IPPK: variants seen among roughly 807,000 people sequenced by gnomAD.
IPPK encodes inositol-pentakisphosphate 2-kinase, also known as IPK1 homolog.
In IPPK, 22 loss-of-function variants were observed where a neutral mutation model predicts 64.6. The ratio of observed to expected loss-of-function variants is 0.34; its 90% CI spans 0.24 to 0.49. The LOEUF (loss-of-function observed/expected upper bound fraction) is 0.49. Among genes scored for constraint, IPPK ranks in the 20% least tolerant of loss-of-function variants. The pLI, the probability that IPPK is intolerant of heterozygous loss-of-function variation, is 0.99. For missense variants in IPPK, 532 were observed against 630.7 expected (o/e 0.84, Z 1.68); for synonymous variants, 262 against 247.2 (o/e 1.06, Z -0.56).
rs368772728 is a variant in IPPK, at chr9:92,656,357, G to C, written c.225+99C>G. 9 of 778,424 alleles carry C rather than the reference G, an allele frequency of 1.2e-5. No homozygotes were observed. The East Asian group carries it at 1.8e-4, about 15-fold the overall frequency. 48.2% of individuals were successfully genotyped at this position (778,424 alleles called of 1,614,324 possible). A position where few individuals can be genotyped will look rare whatever the true frequency, so the allele number is the denominator to read the frequency against. On this transcript the variant is annotated intron_variant, in intron 3 of 12. Coordinates refer to ENST00000287996, the MANE Select transcript of IPPK (RefSeq NM_022755.6). ...AAACACTTGGAGACTAGCTGGACGC[G>C]GGTTATCATTAAGCACAAAGTTCCA...
At chr9:92,666,217 G>C (rs1852592575) in intron 1 of IPPK, among the ~76,000 whole-genome samples, 1 of 152,084 alleles carries the variant, frequency 6.6e-6, no homozygotes, top group African/African-American at 2.4e-5. Flanking sequence ...CCAAGGCTGA[G>C]GTGGTCCGGA....
At chr9:92,627,592 G>A (rs1484623589) in intron 11 of IPPK, among the ~76,000 whole-genome samples, 4 of 151,952 alleles carry the variant, frequency 2.6e-5, no homozygotes, top group Admixed American at 2.0e-4. Flanking sequence ...ACAGAATAAA[G>A]GACAAAAACC....
chr9:92,639,292 A>C (rs1300167777), intron 8 of IPPK, among the ~76,000 whole-genome samples: 1 of 152,048 alleles, frequency 6.6e-6, no homozygotes, highest in African/African-American at 2.4e-5. Flanking sequence ...CAAGCAATCC[A>C]TCTACCTCAG....
chr9:92,664,941 G>A (rs1268360003), intron 1 of IPPK, among the ~76,000 whole-genome samples: 1 of 152,188 alleles, frequency 6.6e-6, no homozygotes, highest in African/African-American at 2.4e-5. Context: ...AAAAGTAGGA[G>A]GTGAGCCAAG....
intron 12 of IPPK, 76 bp downstream of exon 12, chr9:92,619,410 A>G: frequency 8.4e-7 from 1 of 1,194,476 alleles, no homozygotes; most frequent in Non-Finnish European, 1.2e-6. Flanking sequence ...GAAACCAACT[A>G]TCCTATTAAC....
intron 11 of IPPK, among the ~76,000 whole-genome samples, chr9:92,630,770 C>A (rs1851825299): frequency 6.6e-6 from 1 of 152,036 alleles, no homozygotes; most frequent in African/African-American, 2.4e-5. Flanking sequence ...TGTGTGTGGA[C>A]TGGGAGTATG....
intron 12 of IPPK, 91 bp downstream of exon 12, chr9:92,619,395 A>G: frequency 1.9e-6 from 2 of 1,044,104 alleles, no homozygotes; most frequent in Non-Finnish European, 2.9e-6. Flanking sequence ...GTCTCTAAAT[A>G]TGGGGAAACC....
chr9:92,638,213 T>C lies in IPPK; in HGVS notation c.704A>G (p.His235Arg). 1 of 1,614,220 alleles carries C rather than the reference T, an allele frequency of 6.2e-7. No individual in the cohort carries two copies. Among genetic ancestry groups the C allele is most frequent in the Non-Finnish European group, 8.5e-7 (1 of 1,180,030 alleles). The stretch of plus-strand genomic sequence containing the variant: ...AGGGAAGAAGAACGGCTTCAGGTGG[T>C]GTGCAAGCTCGCTCCAGTCAGCCAC... The part of the protein sequence containing the change: ...SPVADWSELA[H>R]HLKPFFFPSN... Residue 235 changes from histidine (H) to arginine (R), a missense_variant, in exon 9 of 13, where the codon CAC becomes CGC. Coordinates refer to ENST00000287996, the MANE Select transcript of IPPK (RefSeq NM_022755.6).
chr9:92,636,422 A>G lies in IPPK; in HGVS notation c.917-1114T>C, dbSNP rs369351006. 2.6e-5 allele frequency among the ~76,000 whole-genome samples: 4 copies of G among 152,162 alleles called. No homozygotes were observed. The East Asian group carries it at 5.8e-4, about 22-fold the overall frequency. ...GAGGCCAATGCTGGCAGATTGCTTG[A>G]GCCCAGGAGTTCAAGACCAGCCCGG... is the stretch of plus-strand genomic sequence containing the variant. On this transcript the variant is annotated intron_variant, in intron 9 of 12. Transcript: ENST00000287996.
intron 1 of IPPK, among the ~76,000 whole-genome samples, chr9:92,665,616 T>C (rs748314487): frequency 1.3e-5 from 2 of 152,234 alleles, no homozygotes; most frequent in Non-Finnish European, 2.9e-5. Context: ...TGATTCGTGA[T>C]ACTATCAGTT....
chr9:92,638,445 C>A (rs532587201), intron 8 of IPPK, among the ~76,000 whole-genome samples, 165 bp from the exon 9 acceptor site: 1 of 152,356 alleles, frequency 6.6e-6, no homozygotes, highest in South Asian at 2.1e-4. Context: ...CGGGGAAATC[C>A]ACCCTCACGA....
intron 9 of IPPK, among the ~76,000 whole-genome samples, chr9:92,637,219 T>A (rs1851958634): frequency 6.6e-6 from 1 of 152,130 alleles, no homozygotes; most frequent in South Asian, 2.1e-4. Context: ...GGCAGGAAAA[T>A]CACCTGAACC....
At chr9:92,641,652 G>A (rs1309005991) in intron 7 of IPPK, among the ~76,000 whole-genome samples, 1 of 152,210 alleles carries the variant, frequency 6.6e-6, no homozygotes, top group East Asian at 1.9e-4. Flanking sequence ...CCCAATGTTT[G>A]TGAACTTTTT....
intron 1 of IPPK, 122 bp from the exon 2 acceptor site, chr9:92,658,803 G>T: frequency 1.1e-6 from 1 of 891,006 alleles, no homozygotes; most frequent in Non-Finnish European, 1.8e-6. Flanking sequence ...CAGCAAGGAG[G>T]CTGGGAAGCC....
chr9:92,648,221 A>C lies in IPPK; in HGVS notation c.415-73T>G, dbSNP rs977016054. The C allele has an allele frequency of 2.0e-5, 22 of 1,112,102 alleles. No homozygotes were observed. In the African/African-American group the frequency reaches 2.8e-4, roughly 14 times the overall value. The allele number at this position is 1,112,102 out of a possible 1,614,324, so 68.9% of individuals were successfully genotyped here. On this transcript the variant is annotated intron_variant, in intron 5 of 12. Transcript: ENST00000287996. ...ATACCTCTAAATAGACATATCACTG[A>C]CTACAAGATAATGAGTGCAGCAAGA...
chr9:92,653,168 T>G (rs1284229423), intron 3 of IPPK, among the ~76,000 whole-genome samples: 1 of 152,224 alleles, frequency 6.6e-6, no homozygotes, highest in Non-Finnish European at 1.5e-5. Context: ...TGCCCAGCAC[T>G]GCCCTCCACA....
At chr9:92,648,750 C>T (rs1275331542) in intron 5 of IPPK, among the ~76,000 whole-genome samples, 1 of 152,162 alleles carries the variant, frequency 6.6e-6, no homozygotes, top group Non-Finnish European at 1.5e-5. Context: ...GAAATTGCTG[C>T]CTTAGAGTTG....
At position 92,649,435 on chromosome 9, in the gene IPPK, T is replaced by C. The variant is rs371449400; in HGVS notation, c.414+18A>G. 40 of 1,613,896 alleles carry C rather than the reference T, an allele frequency of 2.5e-5. No individual in the cohort carries two copies. The Middle Eastern group carries it at 4.9e-4, about 20-fold the overall frequency. Reference sequence around the variant, plus strand: ...ACCTTTCCCCTTTACCCACACCATCTGCCCCTCGACAGGTCACCTTAATCT... The same window carrying C: ...ACCTTTCCCCTTTACCCACACCATCCGCCCCTCGACAGGTCACCTTAATCT... On this transcript the variant is annotated intron_variant, in intron 5 of 12. Coordinates refer to ENST00000287996, the MANE Select transcript of IPPK (RefSeq NM_022755.6).
chr9:92,613,253 A>G lies in IPPK; in HGVS notation c.*2579T>C. 1 of 1,375,464 alleles carries G rather than the reference A, an allele frequency of 7.3e-7. No homozygotes were observed. Among genetic ancestry groups the G allele is most frequent in the Non-Finnish European group, 1.0e-6 (1 of 975,638 alleles). The allele number at this position is 1,375,464 out of a possible 1,614,324, so 85.2% of individuals were successfully genotyped here. A position where few individuals can be genotyped will look rare whatever the true frequency, so the allele number is the denominator to read the frequency against. On this transcript the variant is annotated 3_prime_UTR_variant, in exon 13 of 13. Transcript: ENST00000287996. Reference sequence around the variant, plus strand: ...TTTCTGCTTAGAAACCACACCCTGAAGACGTGCTGTCTATGCAGTTATGGC... The same window carrying G: ...TTTCTGCTTAGAAACCACACCCTGAGGACGTGCTGTCTATGCAGTTATGGC...
Sources: gnomAD v4.1 joint callset for allele counts (sites outside exome capture counted in the v4.1 genomes callset) on GRCh38, gnomAD v4.1.1 for gene constraint, MANE v1.5 for transcripts, NCBI Gene and HGNC (gene_info 2026-07-23, HGNC 2026-07-21) for gene names.